PLEKHD1: variants seen among roughly 807,000 people sequenced by gnomAD.
PLEKHD1 encodes pleckstrin homology and coiled-coil domain containing D1.
A neutral mutation model predicts 69.2 loss-of-function variants in PLEKHD1; 51 were observed. The ratio of observed to expected loss-of-function variants is 0.74; its 90% CI spans 0.59 to 0.93. PLEKHD1 has a LOEUF of 0.93. Ranked by LOEUF, PLEKHD1 falls within the 40% of genes least tolerant of loss-of-function variation. The pLI is 0.00. For missense variants in PLEKHD1, 584 were observed against 641.0 expected, an observed-to-expected ratio of 0.91 and a Z score of 0.96; for synonymous variants, 236 against 244.7, an observed-to-expected ratio of 0.96 and a Z score of 0.33.
chr14:69,486,326 AT>A (rs1204952239), intron 1 of PLEKHD1, among the ~76,000 whole-genome samples: 1 of 152,178 alleles, frequency 6.6e-6, no homozygotes, highest in Non-Finnish European at 1.5e-5. Context: ...AGTAGCTCAC[AT>A]TTTATATCTC....
At chr14:69,487,886 T>A (rs1303438775) in intron 1 of PLEKHD1, among the ~76,000 whole-genome samples, 1 of 152,194 alleles carries the variant, frequency 6.6e-6, no homozygotes, top group Non-Finnish European at 1.5e-5. Context: ...GGGCTTGGCC[T>A]AGACTAATTC....
Position 69,526,047 on chromosome 14 carries a change from G to T in PLEKHD1, c.848G>T (p.Gly283Val). Residue 283 changes from glycine (G) to valine (V), a missense_variant, in exon 9 of 13, where the codon GGC (glycine) becomes GTC (valine). Gly to Val is a moderately radical substitution (Grantham distance 109). Coordinates refer to ENST00000322564, the MANE Select transcript of PLEKHD1 (RefSeq NM_001161498.2). ...NQSEQPPPSGGLHSNLRQIEE... is the reference protein window; with the variant it reads ...NQSEQPPPSGVLHSNLRQIEE... ...AGTGAGCAGCCCCCTCCCAGTGGGG[G>T]CCTCCATAGCAACCTCCGGCAGATC... 2 of 1,551,644 alleles carry T rather than the reference G, an allele frequency of 1.3e-6. No individual in the cohort carries two copies. The highest frequency in any genetic ancestry group is 1.7e-6 in the Non-Finnish European group (2 of 1,146,990).
chr14:69,512,601 A>G (rs899052084), intron 6 of PLEKHD1, among the ~76,000 whole-genome samples: 1 of 152,130 alleles, frequency 6.6e-6, no homozygotes, highest in Non-Finnish European at 1.5e-5. Context: ...TTTAGTTCAA[A>G]GTATCTTTAG....
intron 6 of PLEKHD1, among the ~76,000 whole-genome samples, chr14:69,516,290 T>C (rs184091944): frequency 7.2e-5 from 11 of 152,298 alleles, no homozygotes; most frequent in African/African-American, 2.2e-4. Context: ...AAAACATGAA[T>C]AAGAAAATAA....
rs1194592349 is a variant in PLEKHD1 at position 69,526,699 on chromosome 14, T to G, written c.926T>G (p.Met309Arg). 5 of 1,527,862 alleles carry G rather than the reference T, an allele frequency of 3.3e-6. No individual in the cohort carries two copies. The South Asian group carries it at 5.0e-5, about 15-fold the overall frequency. 94.6% of individuals were successfully genotyped at this position (1,527,862 alleles called of 1,614,324 possible). Residue 309 changes from methionine (M) to arginine (R), a missense_variant and splice_region_variant, in exon 10 of 13, where the codon ATG becomes AGG. Met to Arg is a moderately conservative substitution (Grantham distance 91). Coordinates refer to ENST00000322564, the MANE Select transcript of PLEKHD1 (RefSeq NM_001161498.2). ...LEEKLLAEKR[M>R]KENEERSRAL... ...AAGTGCCTCTTCTGTCCCTACAGGA[T>G]GAAGGAGAACGAGGAGCGCTCACGG...
chr14:69,528,698 T>C lies in PLEKHD1; in HGVS notation c.*279T>C. On this transcript the variant is annotated 3_prime_UTR_variant, in exon 13 of 13. Transcript: ENST00000322564. Reference sequence around the variant, plus strand: ...ATGGTGAGGTGAGGACAGGACCTGGTTGTATGTGGAGATTTGTGTCGGTTA... The same window carrying C: ...ATGGTGAGGTGAGGACAGGACCTGGCTGTATGTGGAGATTTGTGTCGGTTA... 2 of 463,664 alleles carry C rather than the reference T, an allele frequency of 4.3e-6. No individual in the cohort carries two copies. The highest frequency in any genetic ancestry group is 7.8e-6 in the Non-Finnish European group (2 of 256,764). 28.7% of individuals were successfully genotyped at this position (463,664 alleles called of 1,614,324 possible). A position where few individuals can be genotyped will look rare whatever the true frequency, so the allele number is the denominator to read the frequency against.
At chr14:69,484,486 C>T (rs1882606963), upstream of PLEKHD1, among the ~76,000 whole-genome samples, 1 of 152,132 alleles carries the variant, frequency 6.6e-6, no homozygotes, top group African/African-American at 2.4e-5. Flanking sequence ...GGGGCGGGGA[C>T]GGGGACGCGC....
chr14:69,481,328 A>G (rs1325928249), upstream of PLEKHD1, among the ~76,000 whole-genome samples: 1 of 152,182 alleles, frequency 6.6e-6, no homozygotes, highest in Non-Finnish European at 1.5e-5. Context: ...CTCTAACAAC[A>G]ACAACAAAAA....
At chr14:69,477,814 GC>G in the PLEKHD1 span, among the ~76,000 whole-genome samples, 2 of 152,200 alleles carry the variant, frequency 1.3e-5, no homozygotes, top group Admixed American at 1.3e-4. Flanking sequence ...GCAGGGTACA[GC>G]CCCCCTCCTG....
In PLEKHD1 at chr14:69,491,481, C is replaced by T. The variant is rs561899290; in HGVS notation, c.149+6367C>T. 3.0e-4 allele frequency among the ~76,000 whole-genome samples: 46 copies of T among 152,322 alleles called. 3 individuals carry two copies. In the South Asian group the frequency reaches 8.5e-3, roughly 28 times the overall value. On this transcript the variant is annotated intron_variant, in intron 1 of 12. Coordinates refer to ENST00000322564, the MANE Select transcript of PLEKHD1 (RefSeq NM_001161498.2). ...ATCACTCCTCCTCCCTATTGTCCTACAGGATTTTCCCCAAATTCAAATTTC... is the reference window on the plus strand; with the variant it reads ...ATCACTCCTCCTCCCTATTGTCCTATAGGATTTTCCCCAAATTCAAATTTC...
chr14:69,507,315 C>T (rs1883174938), intron 6 of PLEKHD1, among the ~76,000 whole-genome samples: 2 of 152,162 alleles, frequency 1.3e-5, no homozygotes, highest in African/African-American at 4.8e-5. Flanking sequence ...CAGGTTTCCT[C>T]CGTGTCTTTT....
Position 69,484,954 on chromosome 14 carries a change from C to G in PLEKHD1, c.-12C>G, listed in dbSNP as rs375022389. The G allele has an allele frequency of 6.5e-7, 1 of 1,549,948 alleles. No individual in the cohort carries two copies. Among genetic ancestry groups the G allele is most frequent in the Non-Finnish European group, 8.7e-7 (1 of 1,146,182 alleles). On this transcript the variant is annotated 5_prime_UTR_variant, in exon 1 of 13. Coordinates refer to ENST00000322564, the MANE Select transcript of PLEKHD1 (RefSeq NM_001161498.2). ...GTGGGGTCCGGGCCGGGCACAGCCC[C>G]GCTGAGGCAGGATGTTCACGTCCAA...
At chr14:69,519,946 G>T (rs1035999904) in intron 6 of PLEKHD1, among the ~76,000 whole-genome samples, 1 of 152,060 alleles carries the variant, frequency 6.6e-6, no homozygotes, top group Admixed American at 6.6e-5. Flanking sequence ...TGGATCACCC[G>T]AGGTCAGGAG....
At chr14:69,483,619 C>T (rs1450871471), upstream of PLEKHD1, among the ~76,000 whole-genome samples, 2 of 152,204 alleles carry the variant, frequency 1.3e-5, no homozygotes, top group Admixed American at 6.5e-5. Flanking sequence ...TGAAGTATAC[C>T]TCAATTTAAA....
intron 4 of PLEKHD1, 49 bp downstream of exon 4, chr14:69,500,996 G>A (rs2139505878): frequency 6.5e-7 from 1 of 1,534,704 alleles, no homozygotes; most frequent in East Asian, 2.4e-5. Context: ...GGATGGGGTG[G>A]GCGGGGCTGC....
intron 6 of PLEKHD1, among the ~76,000 whole-genome samples, chr14:69,520,166 CAAAAAAAAAAA>C (rs761343645): frequency 2.0e-3 from 41 of 20,508 alleles, no homozygotes; most frequent in South Asian, 2.6e-3. Context: ...GACTCTGTCT[CAAAAAAAAAAA>C]AAAAAAAAAA....
intron 4 of PLEKHD1, 127 bp from the exon 5 acceptor site, chr14:69,501,607 G>A (rs894579303): frequency 1.0e-5 from 7 of 678,312 alleles, no homozygotes; most frequent in South Asian, 1.9e-5. Flanking sequence ...TGCAAGTTGA[G>A]ATTCTGGAGG....
chr14:69,474,204 A>T, the PLEKHD1 span, among the ~76,000 whole-genome samples: 3 of 152,342 alleles, frequency 2.0e-5, no homozygotes, highest in South Asian at 6.2e-4. Context: ...AAAGCAGCCT[A>T]AAACAATAAC....
intron 6 of PLEKHD1, among the ~76,000 whole-genome samples, chr14:69,515,292 GCTC>G (rs1252853898): frequency 2.6e-5 from 4 of 152,184 alleles, no homozygotes; most frequent in Non-Finnish European, 4.4e-5. Context: ...ACCTGGTAGA[GCTC>G]CTGGAGTTAT....
Sources: gnomAD v4.1 joint callset for allele counts (sites outside exome capture counted in the v4.1 genomes callset) on GRCh38, gnomAD v4.1.1 for gene constraint, MANE v1.5 for transcripts, NCBI Gene and HGNC (gene_info 2026-07-23, HGNC 2026-07-21) for gene names.